Variants in SGCD observed in about 807,000 individuals in gnomAD.
SGCD encodes sarcoglycan delta, also known as delta-sarcoglycan.
A neutral mutation model predicts 36.6 loss-of-function variants in SGCD; 18 were observed. That is an observed-to-expected ratio of 0.49 (90% CI 0.34 to 0.73). The LOEUF (loss-of-function observed/expected upper bound fraction) is 0.73, where lower values mean the gene tolerates loss of function less well. Ranked by LOEUF, SGCD falls within the 30% of genes least tolerant of loss-of-function variation. SGCD has a pLI of 0.01. For synonymous variants in SGCD, 133 were observed against 130.6 expected (o/e 1.02, Z -0.12); for missense variants, 387 against 346.7 (o/e 1.12, Z -0.92).
intron 3 of SGCD, among the ~76,000 whole-genome samples, chr5:156,429,482 T>A (rs911630726): frequency 2.6e-5 from 4 of 152,038 alleles, no homozygotes; most frequent in African/African-American, 4.8e-5. Context: ...CTGTGTCTTT[T>A]AAGTAGAACA....
intron 1 of SGCD, among the ~76,000 whole-genome samples, chr5:155,986,375 T>G (rs1758330421): frequency 6.6e-6 from 1 of 152,202 alleles, no homozygotes; most frequent in Non-Finnish European, 1.5e-5. Flanking sequence ...TTCCAGCCTA[T>G]GTGACAGCTG....
chr5:156,391,064 G>A (rs1337677554), intron 3 of SGCD, among the ~76,000 whole-genome samples: 1 of 152,196 alleles, frequency 6.6e-6, no homozygotes, highest in Non-Finnish European at 1.5e-5. Flanking sequence ...CCCAGGGAGA[G>A]AAACTTCCAG....
intron 3 of SGCD, among the ~76,000 whole-genome samples, chr5:156,165,469 C>CT (rs1763191760): frequency 1.3e-5 from 2 of 152,230 alleles, no homozygotes; most frequent in Non-Finnish European, 2.9e-5. Context: ...CATTTTAATA[C>CT]TTTTTTACCT....
At chr5:155,811,968 T>C in the SGCD span, among the ~76,000 whole-genome samples, 11 of 152,312 alleles carry the variant, frequency 7.2e-5, no homozygotes, top group African/African-American at 2.4e-4. Context: ...ATAGTGTGTG[T>C]GTCAGTAATT....
chr5:156,553,563 G>T (rs1327389731), intron 4 of SGCD, among the ~76,000 whole-genome samples: 11 of 151,936 alleles, frequency 7.2e-5, no homozygotes, highest in Non-Finnish European at 1.2e-4. Flanking sequence ...CCTAATTCCA[G>T]AATATTTTCA....
At chr5:155,881,432 T>TA (rs34028424) in intron 1 of SGCD, among the ~76,000 whole-genome samples, 87,005 of 151,996 alleles carry the variant, frequency 0.57, 27,540 homozygotes, top group African/African-American at 0.85. Flanking sequence ...GCATTATGTC[T>TA]AAAACAATGT....
chr5:156,278,873 C>T (rs555998800), intron 3 of SGCD, among the ~76,000 whole-genome samples: 1 of 152,236 alleles, frequency 6.6e-6, no homozygotes, highest in South Asian at 2.1e-4. Flanking sequence ...ACTGAATTTT[C>T]ATTTTGCAGA....
intron 3 of SGCD, among the ~76,000 whole-genome samples, chr5:156,249,418 TCA>T (rs1047699146): frequency 3.9e-4 from 60 of 152,330 alleles, no homozygotes; most frequent in African/African-American, 1.4e-3. Context: ...CAACAGTAAT[TCA>T]CAGTTTTGAT....
chr5:156,004,937 G>A lies in SGCD; in HGVS notation c.-281-112941G>A, dbSNP rs533762617. Reference sequence around the variant, plus strand: ...AAAAATAGATAAAAGAAAAACCATTGCTTCCCAGTAGCGGAGTGATAAGTG... The same window carrying A: ...AAAAATAGATAAAAGAAAAACCATTACTTCCCAGTAGCGGAGTGATAAGTG... On this transcript the variant is annotated intron_variant, in intron 1 of 9. Transcript: ENST00000517913. Among the ~76,000 whole-genome samples, 3 of 152,252 alleles carry A rather than the reference G, an allele frequency of 2.0e-5. No individual in the cohort carries two copies. The East Asian group carries it at 5.8e-4, about 29-fold the overall frequency.
chr5:156,061,851 T>C (rs1421776337), intron 1 of SGCD, among the ~76,000 whole-genome samples: 3 of 144,276 alleles, frequency 2.1e-5, no homozygotes, highest in African/African-American at 7.4e-5. Context: ...TTAATATATG[T>C]CTTTGAATAA....
intron 7 of SGCD, among the ~76,000 whole-genome samples, chr5:156,667,678 T>C (rs1012574588): frequency 6.6e-6 from 1 of 152,210 alleles, no homozygotes; most frequent in Non-Finnish European, 1.5e-5. Flanking sequence ...TTGGCCTAAA[T>C]GCCTATCCGC....
chr5:155,841,417 C>A, the SGCD span, among the ~76,000 whole-genome samples: 4 of 152,052 alleles, frequency 2.6e-5, no homozygotes, highest in Admixed American at 6.5e-5. Context: ...TGGATTTTTC[C>A]CAATTTGGTA....
Position 155,912,127 on chromosome 5 carries a change from G to A in SGCD, c.-282+41703G>A, listed in dbSNP as rs115642869. On this transcript the variant is annotated intron_variant, in intron 1 of 9. Transcript: ENST00000517913. The stretch of plus-strand genomic sequence containing the variant: ...GGAACTGATACCTCCTTTGTTTCTG[G>A]AATTTCACAATGAATAAGTGACTTG... Among the ~76,000 whole-genome samples the A allele has an allele frequency of 9.1e-3, 1,389 of 151,980 alleles. 20 individuals carry two copies. The highest frequency in any genetic ancestry group is 0.032 in the African/African-American group (1,314 of 41,452).
chr5:156,711,403 C>T (rs1277222301), intron 7 of SGCD, among the ~76,000 whole-genome samples: 8 of 151,966 alleles, frequency 5.3e-5, no homozygotes, highest in Non-Finnish European at 1.2e-4. Context: ...TCAATATATT[C>T]CTTAGAGAGC....
intron 1 of SGCD, among the ~76,000 whole-genome samples, chr5:155,907,945 C>A (rs1345207752): frequency 6.6e-6 from 1 of 152,072 alleles, no homozygotes; most frequent in Non-Finnish European, 1.5e-5. Context: ...TCAACCAAGG[C>A]TGCCAACTTC....
At chr5:156,113,378 A>G (rs1216452598) in intron 1 of SGCD, among the ~76,000 whole-genome samples, 4 of 152,082 alleles carry the variant, frequency 2.6e-5, no homozygotes, top group African/African-American at 7.2e-5. Flanking sequence ...AGAACATACT[A>G]TGTTCCAGTA....
At chr5:156,344,930 T>A (rs1438212410) in intron 3 of SGCD, among the ~76,000 whole-genome samples, 1 of 152,214 alleles carries the variant, frequency 6.6e-6, no homozygotes, top group Non-Finnish European at 1.5e-5. Flanking sequence ...ATGTTATCCC[T>A]CCATTTTGAT....
At chr5:156,133,158 A>T (rs1055110003) in intron 3 of SGCD, among the ~76,000 whole-genome samples, 1 of 152,186 alleles carries the variant, frequency 6.6e-6, no homozygotes, top group Non-Finnish European at 1.5e-5. Context: ...AGTTTCATTC[A>T]ATTTCAAGTG....
intron 3 of SGCD, among the ~76,000 whole-genome samples, chr5:156,345,624 A>G (rs1331912704): frequency 6.6e-6 from 1 of 152,152 alleles, no homozygotes. Flanking sequence ...CCAGGAGTTC[A>G]AGATCAGCCT....
Sources: gnomAD v4.1 joint callset for allele counts (sites outside exome capture counted in the v4.1 genomes callset) on GRCh38, gnomAD v4.1.1 for gene constraint, MANE v1.5 for transcripts, NCBI Gene and HGNC (gene_info 2026-07-23, HGNC 2026-07-21) for gene names.